Variants in CACNA1B observed in about 807,000 individuals in gnomAD.
CACNA1B encodes voltage-dependent N-type calcium channel subunit alpha-1B.
A neutral mutation model predicts 247.2 loss-of-function variants in CACNA1B; 70 were observed. The observed-to-expected ratio is 0.28, with a 90% confidence interval of 0.23 to 0.35. The LOEUF is 0.35. CACNA1B is among the 10% of genes least tolerant of loss of function. The pLI, the probability that CACNA1B is intolerant of heterozygous loss-of-function variation, is 1.00. For missense variants in CACNA1B, 2,367 were observed against 3,197.4 expected (o/e 0.74, Z 6.26); for synonymous variants, 1,231 against 1,294.4 (o/e 0.95, Z 1.05).
Position 137,952,880 on chromosome 9 carries a change from G to T in CACNA1B, c.1070+503G>T, listed in dbSNP as rs557288275. On this transcript the variant is annotated intron_variant, in intron 7 of 46. Coordinates refer to ENST00000371372, the MANE Select transcript of CACNA1B (RefSeq NM_000718.4). The surrounding 1 kb of genome is among the most constrained non-coding windows in gnomAD (Gnocchi z 4.8). The stretch of plus-strand genomic sequence containing the variant: ...CACAGAGAGCCCCTCTGTTACTGTG[G>T]TGAGAAATAACTGGGGGCACCCTGA... Among the ~76,000 whole-genome samples, 1 of 152,094 alleles carries T rather than the reference G, an allele frequency of 6.6e-6. No homozygotes were observed. The highest frequency in any genetic ancestry group is 1.5e-5 in the Non-Finnish European group (1 of 68,022).
chr9:138,036,721 C>T (rs1157400464), intron 20 of CACNA1B, among the ~76,000 whole-genome samples: 1 of 152,070 alleles, frequency 6.6e-6, no homozygotes, highest in Non-Finnish European at 1.5e-5. Context: ...TTGAAACATA[C>T]GGGAAAGTGG....
rs764218333 is a variant in CACNA1B at position 138,068,565 on chromosome 9, C to T, written c.4669-1193C>T. 5 of 518,422 alleles carry T rather than the reference C, an allele frequency of 9.6e-6. No homozygotes were observed. In the Admixed American group the frequency reaches 9.7e-5, roughly 10 times the overall value. The allele number at this position is 518,422 out of a possible 1,614,324, so 32.1% of individuals were successfully genotyped here. ...TAGTCCCAGTGCGCTTTCCGAGAGG[C>T]ACAGGTGGGCTGCATTGCTGATTCC... On this transcript the variant is annotated intron_variant, in intron 31 of 46. Coordinates refer to ENST00000371372, the MANE Select transcript of CACNA1B (RefSeq NM_000718.4).
intron 20 of CACNA1B, among the ~76,000 whole-genome samples, chr9:138,034,971 G>A (rs142746254): frequency 6.6e-6 from 1 of 152,318 alleles, no homozygotes; most frequent in African/African-American, 2.4e-5. Context: ...CCAGATGGCT[G>A]CTAAGTGACT....
chr9:137,900,701 CTG>C (rs1446297332), intron 3 of CACNA1B, among the ~76,000 whole-genome samples: 1 of 139,734 alleles, frequency 7.2e-6, no homozygotes, highest in East Asian at 2.2e-4. Flanking sequence ...CGTGTCTGTG[CTG>C]TGTGTCCCTG....
chr9:137,893,135 G>A (rs1417704698), intron 3 of CACNA1B, among the ~76,000 whole-genome samples: 1 of 152,118 alleles, frequency 6.6e-6, no homozygotes, highest in East Asian at 1.9e-4. Flanking sequence ...GCCTGGGACC[G>A]TGGGCATGTG....
intron 6 of CACNA1B, among the ~76,000 whole-genome samples, chr9:137,947,555 T>C (rs2133328652): frequency 6.6e-6 from 1 of 152,318 alleles, no homozygotes; most frequent in South Asian, 2.1e-4. Flanking sequence ...TCCTTCCTAA[T>C]AGTGATTCAA....
chr9:138,000,208 C>G (rs1958551919), intron 15 of CACNA1B, among the ~76,000 whole-genome samples: 1 of 151,770 alleles, frequency 6.6e-6, no homozygotes, highest in Non-Finnish European at 1.5e-5. Flanking sequence ...ACGCCATTCT[C>G]CTGCCTCAGC....
chr9:137,976,508 T>G (rs7048353), intron 12 of CACNA1B, among the ~76,000 whole-genome samples: 2,664 of 152,294 alleles, frequency 0.017, 67 homozygotes, highest in African/African-American at 0.056. Context: ...TACCAACTTA[T>G]GTAGGTAGGG....
In CACNA1B at chr9:138,020,684, C is replaced by T. The variant is rs923165458; in HGVS notation, c.2268-2327C>T. Among the ~76,000 whole-genome samples the T allele has an allele frequency of 6.6e-6, 1 of 152,108 alleles. No homozygotes were observed. Among genetic ancestry groups the T allele is most frequent in the African/African-American group, 2.4e-5 (1 of 41,410 alleles). On this transcript the variant is annotated intron_variant, in intron 18 of 46. Transcript: ENST00000371372. This position sits in a 1 kb window ranked among gnomAD's most constrained non-coding sequence, Gnocchi z 4.1. ...GGGGCTGCGGGGGGCGGGCAGGTGCCCTAGCGTAGGCTGCTCAGCATGTTG... is the reference window on the plus strand; with the variant it reads ...GGGGCTGCGGGGGGCGGGCAGGTGCTCTAGCGTAGGCTGCTCAGCATGTTG...
At chr9:137,924,956 C>T (rs1014447718) in intron 6 of CACNA1B, among the ~76,000 whole-genome samples, 1 of 152,186 alleles carries the variant, frequency 6.6e-6, no homozygotes, top group Non-Finnish European at 1.5e-5. Context: ...CTGGTTGTCC[C>T]GCCTGTGACC....
Position 137,891,643 on chromosome 9 carries a change from T to C in CACNA1B, c.530+8760T>C. 4.7e-6 allele frequency: 1 copy of C among 214,908 alleles called. No individual in the cohort carries two copies. The highest frequency in any genetic ancestry group is 2.3e-5 in the African/African-American group (1 of 42,820). 13.3% of individuals were successfully genotyped at this position (214,908 alleles called of 1,614,324 possible). A position where few individuals can be genotyped will look rare whatever the true frequency, so the allele number is the denominator to read the frequency against. On this transcript the variant is annotated intron_variant, in intron 3 of 46. Coordinates refer to ENST00000371372, the MANE Select transcript of CACNA1B (RefSeq NM_000718.4). This position sits in a 1 kb window ranked among gnomAD's most constrained non-coding sequence, Gnocchi z 4.3. ...CTGCTCTCCTTCTCCTCCTTCACAC[T>C]GGAGCGGCAGAGTTGCAGATTCACA...
intron 10 of CACNA1B, among the ~76,000 whole-genome samples, chr9:137,962,557 T>C (rs1958032397): frequency 6.6e-6 from 1 of 152,220 alleles, no homozygotes; most frequent in Non-Finnish European, 1.5e-5. Context: ...CTGCTTTAAC[T>C]GTGTCCCAGA....
At chr9:138,048,630 C>T (rs745934201) in intron 23 of CACNA1B, among the ~76,000 whole-genome samples, 2 of 152,208 alleles carry the variant, frequency 1.3e-5, no homozygotes, top group Non-Finnish European at 2.9e-5. Flanking sequence ...CTCAGCCACA[C>T]TGAGCCTTCC....
At chr9:137,949,087 G>GC (rs1459390270) in intron 6 of CACNA1B, among the ~76,000 whole-genome samples, 24 of 14,152 alleles carry the variant, frequency 1.7e-3, no homozygotes, top group Admixed American at 4.2e-3. Context: ...TGGTGTGTGT[G>GC]TGGTGTGTGC....
rs201204841 is a variant in CACNA1B, at chr9:137,878,219, T to C, written c.284+2T>C. On this transcript the variant is annotated splice_donor_variant, in intron 1 of 46. Coordinates refer to ENST00000371372, the MANE Select transcript of CACNA1B (RefSeq NM_000718.4). LOFTEE classifies it high-confidence loss of function. ...CGCGAAGCGCATCACCGAGTGGCCA[T>C]ATCCTGCCGGGCGGGGCCGGGCGGG... 6.1e-6 allele frequency: 7 copies of C among 1,154,272 alleles called. No homozygotes were observed. Among genetic ancestry groups the C allele is most frequent in the Non-Finnish European group, 6.6e-6 (6 of 915,912 alleles). The allele number at this position is 1,154,272 out of a possible 1,614,324, so 71.5% of individuals were successfully genotyped here. A position where few individuals can be genotyped will look rare whatever the true frequency, so the allele number is the denominator to read the frequency against.
At chr9:138,005,209 T>C (rs1175890045) in intron 15 of CACNA1B, among the ~76,000 whole-genome samples, 1 of 152,208 alleles carries the variant, frequency 6.6e-6, no homozygotes, top group African/African-American at 2.4e-5. Flanking sequence ...AGATAAGGGA[T>C]CAGCCTAAGT....
chr9:137,955,625 T>G lies in CACNA1B; in HGVS notation c.1071-73T>G. ...CCTGTCCCAGGCTTTCCCTGGTCCT[T>G]TTTGTCTCTGGGGCTGCACACCTGT... On this transcript the variant is annotated intron_variant, in intron 7 of 46. Coordinates refer to ENST00000371372, the MANE Select transcript of CACNA1B (RefSeq NM_000718.4). The surrounding 1 kb of genome is among the most constrained non-coding windows in gnomAD (Gnocchi z 6.9). The G allele has an allele frequency of 9.8e-7, 1 of 1,015,612 alleles. No individual in the cohort carries two copies. Among genetic ancestry groups the G allele is most frequent in the Non-Finnish European group, 1.5e-6 (1 of 675,108 alleles). 62.9% of individuals were successfully genotyped at this position (1,015,612 alleles called of 1,614,324 possible).
chr9:138,121,162 C>T lies in CACNA1B; in HGVS notation c.6489+281C>T, dbSNP rs535648497. Among the ~76,000 whole-genome samples the T allele has an allele frequency of 1.1e-4, 17 of 152,276 alleles. No individual in the cohort carries two copies. The highest frequency in any genetic ancestry group is 7.8e-4 in the Admixed American group (12 of 15,298). On this transcript the variant is annotated intron_variant, in intron 46 of 46. Transcript: ENST00000371372. This position sits in a 1 kb window ranked among gnomAD's most constrained non-coding sequence, Gnocchi z 6.8. Reference sequence around the variant, plus strand: ...GGCCCCCAAATACTTACCTCTCTCTCGGTCACTTAACTCTCCTTCCCTGAC... The same window carrying T: ...GGCCCCCAAATACTTACCTCTCTCTTGGTCACTTAACTCTCCTTCCCTGAC...
intron 31 of CACNA1B, among the ~76,000 whole-genome samples, chr9:138,067,571 C>T (rs987903913): frequency 1.3e-5 from 2 of 152,170 alleles, no homozygotes; most frequent in African/African-American, 4.8e-5. Context: ...TGATGGCGCA[C>T]GCCTGTAATT....
Sources: allele counts gnomAD v4.1 joint callset (sites outside exome capture counted in the v4.1 genomes callset), GRCh38; gene constraint gnomAD v4.1.1; non-coding constraint Gnocchi (gnomAD v3.1); transcripts MANE v1.5; gene names NCBI Gene and HGNC (gene_info 2026-07-23, HGNC 2026-07-21).